VPS37A: variants seen among roughly 807,000 people sequenced by gnomAD.
VPS37A encodes the protein VPS37A subunit of ESCRT-I, also known as vacuolar protein sorting-associated protein 37A.
Under a neutral mutation model 49.8 loss-of-function variants are expected in VPS37A, and 30 were observed. The observed-to-expected ratio is 0.60, with a 90% CI of 0.45 to 0.82. VPS37A has a LOEUF of 0.82. Ranked by LOEUF, VPS37A falls within the 40% of genes least tolerant of loss-of-function variation. The probability of loss-of-function intolerance (pLI) is 0.00; values close to 1 mark genes in which losing one functional copy is unlikely to be tolerated. For synonymous variants in VPS37A, 195 were observed against 160.6 expected, an observed-to-expected ratio of 1.21 and a Z score of -1.62; for missense variants, 593 against 464.4, an observed-to-expected ratio of 1.28 and a Z score of -2.55.
downstream of VPS37A, chr8:17,300,073 G>C (rs773767458): frequency 1.2e-6 from 2 of 1,614,140 alleles, no homozygotes; most frequent in African/African-American, 1.3e-5. Flanking sequence ...AGGGCTCCGG[G>C]ATGGAAATGA....
Position 17,286,596 on chromosome 8 carries a change from A to G in VPS37A, c.*169A>G, listed in dbSNP as rs1162769048. The G allele has an allele frequency of 2.2e-5, 12 of 534,234 alleles. No individual in the cohort carries two copies. The East Asian group carries it at 3.7e-4, about 17-fold the overall frequency. The allele number at this position is 534,234 out of a possible 1,614,324, so 33.1% of individuals were successfully genotyped here. The stretch of plus-strand genomic sequence containing the variant: ...ATTATATAATAAGCATAATATAAAC[A>G]TATAACTAGTAGAAATCTTTTGGAT... On this transcript the variant is annotated intron_variant, in intron 11 of 11. Coordinates refer to ENST00000324849, the MANE Select transcript of VPS37A (RefSeq NM_152415.3).
intron 6 of VPS37A, among the ~76,000 whole-genome samples, chr8:17,277,505 A>G (rs1814622759): frequency 6.6e-6 from 1 of 152,066 alleles, no homozygotes; most frequent in Admixed American, 6.6e-5. Flanking sequence ...ACCATGCTTC[A>G]TGCCTCTTCT....
chr8:17,256,918 G>C (rs1301580350), intron 1 of VPS37A, among the ~76,000 whole-genome samples: 1 of 152,012 alleles, frequency 6.6e-6, no homozygotes, highest in Non-Finnish European at 1.5e-5. Flanking sequence ...TCACTGTGTA[G>C]GTTTTTAGCT....
chr8:17,260,219 C>A (rs1812846881), intron 1 of VPS37A, among the ~76,000 whole-genome samples: 2 of 151,956 alleles, frequency 1.3e-5, no homozygotes. Flanking sequence ...TTTAGTGAAT[C>A]TACTATAGGT....
chr8:17,282,840 C>G (rs1240945195), intron 9 of VPS37A, among the ~76,000 whole-genome samples: 1 of 152,118 alleles, frequency 6.6e-6, no homozygotes, highest in African/African-American at 2.4e-5. Context: ...CTTCTGCGCT[C>G]TTACATATGG....
chr8:17,313,148 A>G, the VPS37A span: 1 of 507,154 alleles, frequency 2.0e-6, no homozygotes, highest in Non-Finnish European at 3.5e-6. Flanking sequence ...TCTTCAGCGC[A>G]CAGACTACGG....
At chr8:17,247,777 A>T (rs532812175) in intron 1 of VPS37A, 1 of 702,618 alleles carries the variant, frequency 1.4e-6, no homozygotes, top group South Asian at 1.5e-5. Flanking sequence ...GGTTTCACAA[A>T]GAATGGAAAA....
chr8:17,327,406 G>T, the VPS37A span, among the ~76,000 whole-genome samples: 1 of 151,878 alleles, frequency 6.6e-6, no homozygotes, highest in Non-Finnish European at 1.5e-5. Context: ...GAGCAGCTGG[G>T]ACTACAGGCA....
intron 4 of VPS37A, among the ~76,000 whole-genome samples, chr8:17,272,702 C>G (rs944839826): frequency 2.0e-5 from 3 of 152,122 alleles, no homozygotes; most frequent in African/African-American, 7.2e-5. Flanking sequence ...ACATACATAT[C>G]ACTAATTCCT....
intron 10 of VPS37A, among the ~76,000 whole-genome samples, chr8:17,285,023 G>A (rs1159374149): frequency 2.0e-5 from 3 of 151,784 alleles, no homozygotes; most frequent in Non-Finnish European, 4.4e-5. Flanking sequence ...AGCAGAAATT[G>A]CTAATAAACT....
At chr8:17,321,355 G>A in the VPS37A span, among the ~76,000 whole-genome samples, 1 of 152,274 alleles carries the variant, frequency 6.6e-6, no homozygotes, top group South Asian at 2.1e-4. Context: ...AGGCTGCTGT[G>A]GCTCTCACCA....
At chr8:17,310,195 C>T in the VPS37A span, among the ~76,000 whole-genome samples, 1 of 151,756 alleles carries the variant, frequency 6.6e-6, no homozygotes, top group Admixed American at 6.6e-5. Flanking sequence ...GAGACGAGGT[C>T]TCGCCATGTT....
intron 6 of VPS37A, among the ~76,000 whole-genome samples, chr8:17,277,596 A>G (rs1047400363): frequency 1.3e-5 from 2 of 151,942 alleles, no homozygotes; most frequent in East Asian, 3.9e-4. Flanking sequence ...TTTTTAACCC[A>G]TCAATTCTTC....
downstream of VPS37A, chr8:17,306,106 A>C (rs566249139): frequency 1.5e-6 from 1 of 672,266 alleles, no homozygotes; most frequent in African/African-American, 1.8e-5. Context: ...AGAAAAGTTA[A>C]GATTTTAAAT....
Position 17,297,243 on chromosome 8 carries a change from T to G in VPS37A, c.*2257T>G, listed in dbSNP as rs999351202. On this transcript the variant is annotated 3_prime_UTR_variant, in exon 12 of 12. Transcript: ENST00000324849. ...TTGTCATAGGTAGAGATTTAAAGGT[T>G]AATATCTTAAAATAGAAGAAAATTC... is the stretch of plus-strand genomic sequence containing the variant. The G allele has an allele frequency of 6.6e-6, 1 of 152,108 alleles. No individual in the cohort carries two copies. Among genetic ancestry groups the G allele is most frequent in the Non-Finnish European group, 1.5e-5 (1 of 67,988 alleles). The allele number at this position is 152,108 out of a possible 1,614,324, so 9.4% of individuals were successfully genotyped here. A position where few individuals can be genotyped will look rare whatever the true frequency, so the allele number is the denominator to read the frequency against.
chr8:17,286,155 GTACCAT>G (rs1198833091), intron 10 of VPS37A, among the ~76,000 whole-genome samples, 186 bp from the exon 11 acceptor site: 1 of 152,110 alleles, frequency 6.6e-6, no homozygotes, highest in Non-Finnish European at 1.5e-5. Flanking sequence ...TCTGCTCCTT[GTACCAT>G]TAGTGCTAAT....
intron 3 of VPS37A, 109 bp downstream of exon 3, chr8:17,268,481 A>G: frequency 1.2e-6 from 1 of 811,572 alleles, no homozygotes; most frequent in Non-Finnish European, 1.9e-6. Context: ...TGTCATGAGT[A>G]CTTTTTTTAA....
intron 3 of VPS37A, 59 bp downstream of exon 3, chr8:17,268,431 A>T (rs1395334589): frequency 3.2e-6 from 4 of 1,265,526 alleles, no homozygotes; most frequent in Non-Finnish European, 4.4e-6. Flanking sequence ...CTTTTCTACT[A>T]AATATTTTAG....
chr8:17,268,324 C>G lies in VPS37A; in HGVS notation c.267C>G (p.His89Gln). The change falls in exon 3 of 12, where the codon CAC becomes CAG. Residue 89 changes from histidine to glutamine, a missense_variant. By Grantham distance (24) the His-to-Gln change is conservative. Coordinates refer to ENST00000324849, the MANE Select transcript of VPS37A (RefSeq NM_152415.3). ...GTGTTTATCCACCAATACGACATCA[C>G]TTAATGGATAAACAAGGAGTGTATG... ...VISVYPPIRH[H>Q]LMDKQGVYVT... 6.2e-7 allele frequency: 1 copy of G among 1,613,410 alleles called. No homozygotes were observed.
Sources: allele counts gnomAD v4.1 joint callset (sites outside exome capture counted in the v4.1 genomes callset), GRCh38; gene constraint gnomAD v4.1.1; transcripts MANE v1.5; gene names NCBI Gene and HGNC (gene_info 2026-07-23, HGNC 2026-07-21).